The following NOL4 variants were observed in gnomAD, a reference collection of about 807,000 sequenced individuals.
NOL4 encodes the protein cancer/testis antigen 125.
NOL4 carries 17 observed loss-of-function variants against 75.9 expected under a neutral mutation model. That is an observed-to-expected ratio of 0.22 (90% CI 0.15 to 0.34). NOL4 has a LOEUF of 0.34. NOL4 is among the 10% of genes least tolerant of loss of function. NOL4 has a pLI of 1.00. For synonymous variants in NOL4, 292 were observed against 289.9 expected, an observed-to-expected ratio of 1.01 and a Z score of -0.07; for missense variants, 614 against 793.5, an observed-to-expected ratio of 0.77 and a Z score of 2.72.
At chr18:34,141,337 A>C (rs565307191) in intron 1 of NOL4, among the ~76,000 whole-genome samples, 3 of 152,274 alleles carry the variant, frequency 2.0e-5, no homozygotes, top group East Asian at 1.9e-4. Context: ...AAACTACTTT[A>C]AAGTTCATAT....
chr18:34,102,968 G>A (rs2079110189), intron 4 of NOL4, among the ~76,000 whole-genome samples: 1 of 151,830 alleles, frequency 6.6e-6, no homozygotes, highest in Non-Finnish European at 1.5e-5. Flanking sequence ...TTTGTATGGA[G>A]TATACCCTGA....
chr18:34,166,641 T>C (rs1337641491), intron 1 of NOL4, among the ~76,000 whole-genome samples: 1 of 152,078 alleles, frequency 6.6e-6, no homozygotes, highest in East Asian at 1.9e-4. Context: ...TTAACAAATA[T>C]GGAATAATTT....
At chr18:34,021,157 ACT>A (rs1405844784) in intron 5 of NOL4, among the ~76,000 whole-genome samples, 2 of 152,172 alleles carry the variant, frequency 1.3e-5, no homozygotes, top group Non-Finnish European at 2.9e-5. Flanking sequence ...GCCTGTAAAG[ACT>A]CTGTCTTCAA....
chr18:34,171,261 A>G (rs1171130589), intron 1 of NOL4, among the ~76,000 whole-genome samples: 1 of 152,108 alleles, frequency 6.6e-6, no homozygotes. Flanking sequence ...TACCACTCTA[A>G]GATCTCAATC....
At chr18:34,071,535 T>G (rs767208598) in intron 5 of NOL4, among the ~76,000 whole-genome samples, 25 of 151,950 alleles carry the variant, frequency 1.6e-4, no homozygotes, top group Non-Finnish European at 3.4e-4. Flanking sequence ...ATGAAAGTGA[T>G]GCAGATTCAG....
At chr18:34,030,404 C>T (rs2075577784) in intron 5 of NOL4, among the ~76,000 whole-genome samples, 1 of 152,028 alleles carries the variant, frequency 6.6e-6, no homozygotes, top group Non-Finnish European at 1.5e-5. Flanking sequence ...ATCTTCACCA[C>T]ATAGCAAGGG....
chr18:34,142,863 C>T (rs923202217), intron 1 of NOL4, among the ~76,000 whole-genome samples: 15 of 152,020 alleles, frequency 9.9e-5, no homozygotes, highest in African/African-American at 3.4e-4. Flanking sequence ...GCAATACAGT[C>T]GGCCCTTGGT....
chr18:33,921,269 T>A (rs1240928679), intron 9 of NOL4, among the ~76,000 whole-genome samples: 1 of 152,116 alleles, frequency 6.6e-6, no homozygotes, highest in Non-Finnish European at 1.5e-5. Context: ...GAGTTGAATA[T>A]TTTTAGAGGA....
At chr18:33,959,226 A>G (rs746448301) in intron 6 of NOL4, among the ~76,000 whole-genome samples, 11 of 152,170 alleles carry the variant, frequency 7.2e-5, no homozygotes, top group Admixed American at 1.3e-4. Context: ...TTTTCACATG[A>G]AACAGCTGAT....
At chr18:33,864,920 G>A (rs1003382632) in intron 10 of NOL4, among the ~76,000 whole-genome samples, 7 of 152,028 alleles carry the variant, frequency 4.6e-5, no homozygotes, top group South Asian at 2.1e-4. Flanking sequence ...CAAAACCATC[G>A]GATCTCATGA....
chr18:34,162,628 G>C (rs2031681353), intron 1 of NOL4, among the ~76,000 whole-genome samples: 1 of 152,168 alleles, frequency 6.6e-6, no homozygotes, highest in African/African-American at 2.4e-5. Flanking sequence ...TCCAGGACCA[G>C]ATGGATTCAC....
At chr18:33,891,289 C>T (rs2065079885) in intron 9 of NOL4, among the ~76,000 whole-genome samples, 1 of 152,052 alleles carries the variant, frequency 6.6e-6, no homozygotes, top group East Asian at 1.9e-4. Flanking sequence ...TCAGTGTCTT[C>T]CTGAGTTTAT....
At chr18:34,084,368 G>A (rs1001376758) in intron 5 of NOL4, among the ~76,000 whole-genome samples, 1 of 152,160 alleles carries the variant, frequency 6.6e-6, no homozygotes, top group Non-Finnish European at 1.5e-5. Context: ...GGCTAGGGAT[G>A]CTGAAATTGT....
intron 1 of NOL4, among the ~76,000 whole-genome samples, chr18:34,204,380 CTTTTTA>C (rs1420983184): frequency 6.6e-6 from 1 of 151,966 alleles, no homozygotes; most frequent in Non-Finnish European, 1.5e-5. Flanking sequence ...TATTTCATTC[CTTTTTA>C]TTTTAATATT....
At chr18:34,059,630 C>T (rs1432847137) in intron 5 of NOL4, among the ~76,000 whole-genome samples, 1 of 152,118 alleles carries the variant, frequency 6.6e-6, no homozygotes, top group Non-Finnish European at 1.5e-5. Context: ...TAACTTTCTC[C>T]TTGTGAAATA....
chr18:34,167,561 T>TAGATAGATAGATAGATAGATAGAC (rs1200688846), intron 1 of NOL4, among the ~76,000 whole-genome samples: 14 of 150,696 alleles, frequency 9.3e-5, no homozygotes, highest in South Asian at 6.3e-4. Context: ...GATAGATAGA[T>TAGATAGATAGATAGATAGATAGAC]AGACAGACAG....
intron 9 of NOL4, among the ~76,000 whole-genome samples, chr18:33,904,888 G>A (rs936344797): frequency 1.1e-4 from 16 of 152,276 alleles, no homozygotes; most frequent in Admixed American, 7.8e-4. Flanking sequence ...AAGGGAAGCT[G>A]TAACTCATTC....
chr18:34,194,483 GGCA>G (rs2035176971), intron 1 of NOL4, among the ~76,000 whole-genome samples: 2 of 150,882 alleles, frequency 1.3e-5, no homozygotes, highest in African/African-American at 4.8e-5. Context: ...CAGGCAGGCA[GGCA>G]GGCGAGAAAA....
At chr18:33,888,527 TC>T (rs1260994532) in intron 9 of NOL4, among the ~76,000 whole-genome samples, 1 of 152,192 alleles carries the variant, frequency 6.6e-6, no homozygotes, top group Non-Finnish European at 1.5e-5. Flanking sequence ...GCCTAGGTTT[TC>T]TTCTAGGGTT....
Sources: allele counts gnomAD v4.1 joint callset (sites outside exome capture counted in the v4.1 genomes callset), GRCh38; gene constraint gnomAD v4.1.1; transcripts MANE v1.5; gene names NCBI Gene and HGNC (gene_info 2026-07-23, HGNC 2026-07-21).